Variants in SLC37A1 observed in about 807,000 individuals in gnomAD.
The protein encoded by SLC37A1 is glucose-6-phosphate exchanger SLC37A1.
In SLC37A1, 49 loss-of-function variants were observed where a neutral mutation model predicts 75.3. That is an observed-to-expected ratio of 0.65 (90% CI 0.52 to 0.83). The LOEUF is 0.83. Among genes scored for constraint, SLC37A1 ranks in the 40% least tolerant of loss-of-function variants. SLC37A1 has a pLI of 0.00. For synonymous variants in SLC37A1, 268 were observed against 292.1 expected (o/e 0.92, Z 0.84); for missense variants, 566 against 695.0 (o/e 0.81, Z 2.09).
chr21:42,554,619 G>C (rs1216595195), intron 10 of SLC37A1, among the ~76,000 whole-genome samples: 1 of 150,746 alleles, frequency 6.6e-6, no homozygotes, highest in East Asian at 1.9e-4. Flanking sequence ...GGCTGGCCAC[G>C]TGAGGTGCAC....
rs1255265410 is a variant in SLC37A1, at chr21:42,550,556, C to T, written c.768+3416C>T. ...AGCTAATACTAATTACTCACAAACT[C>T]TTCCAAAAAATAAAAGTGGGGGGAA... On this transcript the variant is annotated intron_variant, in intron 9 of 19. Transcript: ENST00000352133. Among the ~76,000 whole-genome samples, 4 of 152,230 alleles carry T rather than the reference C, an allele frequency of 2.6e-5. No individual in the cohort carries two copies. In the East Asian group the frequency reaches 7.7e-4, roughly 29 times the overall value.
chr21:42,501,192 C>T (rs2054337915), intron 1 of SLC37A1, among the ~76,000 whole-genome samples: 1 of 152,214 alleles, frequency 6.6e-6, no homozygotes, highest in Non-Finnish European at 1.5e-5. Context: ...CAGAGCTGTG[C>T]TTTATGCAGC....
Position 42,558,946 on chromosome 21 carries a change from A to T in SLC37A1, c.850-12A>T. On this transcript the variant is annotated splice_polypyrimidine_tract_variant and intron_variant, in intron 10 of 19. Transcript: ENST00000352133. ...CACCTTTCCTTTTTGTTCCCAATGGATTTGCCTCCAGGACCCAGAGATGCA... is the reference window on the plus strand; with the variant it reads ...CACCTTTCCTTTTTGTTCCCAATGGTTTTGCCTCCAGGACCCAGAGATGCA... The T allele has an allele frequency of 1.9e-6, 3 of 1,613,410 alleles. No homozygotes were observed. The highest frequency in any genetic ancestry group is 2.5e-6 in the Non-Finnish European group (3 of 1,179,824).
intron 11 of SLC37A1, chr21:42,561,725 C>T (rs575492733): frequency 9.9e-5 from 22 of 221,580 alleles, no homozygotes; most frequent in Middle Eastern, 1.5e-3. Context: ...AATTCAGAAA[C>T]GCCGTAGATA....
intron 17 of SLC37A1, among the ~76,000 whole-genome samples, chr21:42,572,696 G>GAAAAAAAAAAAA (rs2056213468): frequency 6.1e-5 from 2 of 32,884 alleles, no homozygotes; most frequent in Non-Finnish European, 1.8e-4. Flanking sequence ...AAAAAAGAGT[G>GAAAAAAAAAAAA]TGTCCTGAGG....
chr21:42,505,117 C>T (rs1454645359), intron 2 of SLC37A1, among the ~76,000 whole-genome samples: 1 of 152,206 alleles, frequency 6.6e-6, no homozygotes, highest in African/African-American at 2.4e-5. Context: ...CCACACTGAC[C>T]AGAATAATCT....
upstream of SLC37A1, among the ~76,000 whole-genome samples, chr21:42,510,277 C>T (rs892040273): frequency 6.6e-6 from 1 of 152,176 alleles, no homozygotes; most frequent in Non-Finnish European, 1.5e-5. Flanking sequence ...CTGCCCGTCT[C>T]AGCCTCCCAA....
chr21:42,533,723 C>G (rs2055057962), intron 3 of SLC37A1, among the ~76,000 whole-genome samples: 1 of 152,192 alleles, frequency 6.6e-6, no homozygotes, highest in Non-Finnish European at 1.5e-5. Flanking sequence ...GTGCAAAAAG[C>G]CTGGTGTTCA....
intron 5 of SLC37A1, among the ~76,000 whole-genome samples, chr21:42,538,781 C>G (rs561038628): frequency 3.3e-5 from 5 of 152,292 alleles, no homozygotes; most frequent in Admixed American, 6.5e-5. Context: ...TTTACCACCC[C>G]CCTCGAGGCT....
intron 3 of SLC37A1, among the ~76,000 whole-genome samples, chr21:42,532,672 C>T (rs375167969): frequency 2.0e-4 from 31 of 152,234 alleles, no homozygotes; most frequent in African/African-American, 6.5e-4. Context: ...CTGGGTCTCA[C>T]GATCACACTC....
chr21:42,568,349 C>A lies in SLC37A1; in HGVS notation c.1345-11C>A, dbSNP rs769298372. 6.2e-7 allele frequency: 1 copy of A among 1,612,890 alleles called. No individual in the cohort carries two copies. Among genetic ancestry groups the A allele is most frequent in the Non-Finnish European group, 8.5e-7 (1 of 1,179,128 alleles). The stretch of plus-strand genomic sequence containing the variant: ...GGCGATAACTGCACGTCTGTTTTTC[C>A]TCTCTTCTAGGGGACTCATAAAAGT... On this transcript the variant is annotated splice_polypyrimidine_tract_variant and intron_variant, in intron 16 of 19. Coordinates refer to ENST00000352133, the MANE Select transcript of SLC37A1 (RefSeq NM_001320537.2).
chr21:42,544,305 A>C (rs1043764366), intron 8 of SLC37A1, among the ~76,000 whole-genome samples: 1 of 152,184 alleles, frequency 6.6e-6, no homozygotes, highest in Non-Finnish European at 1.5e-5. Flanking sequence ...CAGCTCCCTC[A>C]TGCTGCCTGC....
chr21:42,538,187 G>A (rs999570007), intron 5 of SLC37A1, among the ~76,000 whole-genome samples: 3 of 152,346 alleles, frequency 2.0e-5, no homozygotes, highest in Admixed American at 1.3e-4. Flanking sequence ...ACCTGGGCAG[G>A]TCAGCCAGCC....
intron 17 of SLC37A1, among the ~76,000 whole-genome samples, chr21:42,570,616 T>C (rs113220497): frequency 0.087 from 13,272 of 152,322 alleles, 805 homozygotes; most frequent in Non-Finnish European, 0.13. Flanking sequence ...GGTCTGACTC[T>C]GCTGTGAAAC....
At chr21:42,576,030 C>T in intron 18 of SLC37A1, 3 of 880,816 alleles carry the variant, frequency 3.4e-6, no homozygotes, top group Non-Finnish European at 2.7e-6. Context: ...TAGCCAAACT[C>T]ATAAGAAAGT....
At chr21:42,532,618 A>G (rs1165415616) in intron 3 of SLC37A1, among the ~76,000 whole-genome samples, 1 of 152,224 alleles carries the variant, frequency 6.6e-6, no homozygotes, top group African/African-American at 2.4e-5. Flanking sequence ...GAAAGGCCAC[A>G]GATACCAGCT....
intron 2 of SLC37A1, among the ~76,000 whole-genome samples, chr21:42,525,063 G>A (rs912889823): frequency 1.4e-4 from 21 of 152,234 alleles, no homozygotes; most frequent in Non-Finnish European, 2.5e-4. Flanking sequence ...CAACGACAGC[G>A]TTTGGGGGCT....
chr21:42,515,042 T>C (rs767409446), intron 1 of SLC37A1: 2 of 152,284 alleles, frequency 1.3e-5, no homozygotes, highest in Admixed American at 6.5e-5. Flanking sequence ...CCAAGTCATT[T>C]TGGACCTGCA....
intron 9 of SLC37A1, 64 bp from the exon 10 acceptor site, chr21:42,553,998 A>G (rs888658052): frequency 7.2e-7 from 1 of 1,384,982 alleles, no homozygotes; most frequent in African/African-American, 1.5e-5. Flanking sequence ...TGCTACAGTA[A>G]AGCCAGGTTT....
Sources: gnomAD v4.1 joint callset for allele counts (sites outside exome capture counted in the v4.1 genomes callset) on GRCh38, gnomAD v4.1.1 for gene constraint, MANE v1.5 for transcripts, NCBI Gene and HGNC (gene_info 2026-07-23, HGNC 2026-07-21) for gene names.